The following DYM variants were observed in gnomAD, a reference collection of about 807,000 sequenced individuals.
DYM encodes dyggve-Melchior-Clausen syndrome protein.
In DYM, 78 loss-of-function variants were observed where a neutral mutation model predicts 93.1. The observed-to-expected ratio is 0.84, with a 90% CI of 0.70 to 1.01. The LOEUF (loss-of-function observed/expected upper bound fraction) is 1.01. Among genes scored for constraint, DYM ranks in the 50% least tolerant of loss-of-function variants. The probability of loss-of-function intolerance (pLI) is 0.00; values close to 1 mark genes in which losing one functional copy is unlikely to be tolerated. For missense variants in DYM, 789 were observed against 845.0 expected (o/e 0.93, Z 0.82); for synonymous variants, 321 against 319.7 (o/e 1.00, Z -0.04).
At chr18:49,060,435 G>T (rs150712674) in intron 17 of DYM, among the ~76,000 whole-genome samples, 1 of 151,884 alleles carries the variant, frequency 6.6e-6, no homozygotes, top group Non-Finnish European at 1.5e-5. Flanking sequence ...CCAGTGCCCA[G>T]TATCTGCCTG....
At chr18:49,269,096 C>A (rs942659306) in intron 11 of DYM, among the ~76,000 whole-genome samples, 1 of 152,050 alleles carries the variant, frequency 6.6e-6, no homozygotes, top group Non-Finnish European at 1.5e-5. Context: ...AGAACTCACA[C>A]AACTCAATAA....
intron 2 of DYM, among the ~76,000 whole-genome samples, chr18:49,422,377 A>T (rs2073820076): frequency 1.3e-5 from 2 of 152,102 alleles, no homozygotes; most frequent in Non-Finnish European, 2.9e-5. Flanking sequence ...AATAATTTTC[A>T]ACCCAGAATT....
chr18:49,296,978 C>T (rs1308071982), intron 8 of DYM, among the ~76,000 whole-genome samples: 1 of 152,138 alleles, frequency 6.6e-6, no homozygotes, highest in East Asian at 1.9e-4. Context: ...TCTTGGAGGG[C>T]TCCAACTTAT....
chr18:49,423,571 A>G (rs76885385), intron 2 of DYM, among the ~76,000 whole-genome samples: 13,874 of 152,278 alleles, frequency 0.091, 851 homozygotes, highest in East Asian at 0.31. Flanking sequence ...AGATAGAGAC[A>G]CAAAAAACCC....
intron 8 of DYM, among the ~76,000 whole-genome samples, chr18:49,328,740 C>G (rs572326377): frequency 8.1e-4 from 124 of 152,314 alleles, no homozygotes; most frequent in Non-Finnish European, 1.6e-3. Flanking sequence ...GAGATACCAT[C>G]TCATACCAGT....
rs982188109 is a variant in DYM, at chr18:49,261,991, T to C, written c.1252-3498A>G. ...TACACATAAATAGTACCATACATAA[T>C]GTATTAGAATGAATGGTTTCCCCCC... On this transcript the variant is annotated intron_variant, in intron 11 of 17. Coordinates refer to ENST00000675505, the MANE Select transcript of DYM (RefSeq NM_001353214.3). 4.6e-5 allele frequency among the ~76,000 whole-genome samples: 7 copies of C among 152,188 alleles called. 1 individual carries two copies. The highest frequency in any genetic ancestry group is 4.4e-5 in the Non-Finnish European group (3 of 68,038).
intron 5 of DYM, among the ~76,000 whole-genome samples, chr18:49,365,032 T>C (rs1430822387): frequency 6.6e-6 from 1 of 152,118 alleles, no homozygotes; most frequent in East Asian, 1.9e-4. Context: ...TCTATACTTC[T>C]AGAGGATGAT....
At position 49,145,131 on chromosome 18, in the gene DYM, ATAT is replaced by A. The variant is rs1568490488; in HGVS notation, c.1728+18551_1728+18553del. On this transcript the variant is annotated intron_variant, in intron 15 of 17. Coordinates refer to ENST00000675505, the MANE Select transcript of DYM (RefSeq NM_001353214.3). ...TTCATATATATATATATATATATAT[ATAT>A]AATTTATATATATAATATACAAATA... Among the ~76,000 whole-genome samples the A allele has an allele frequency of 9.8e-4, 115 of 116,902 alleles. 11 individuals are homozygous for A. Among genetic ancestry groups the A allele is most frequent in the South Asian group, 2.0e-3 (7 of 3,424 alleles). 76.7% of individuals were successfully genotyped at this position (116,902 alleles called of 152,430 possible). A position where few individuals can be genotyped will look rare whatever the true frequency, so the allele number is the denominator to read the frequency against.
chr18:49,323,147 A>T (rs2062627131), intron 8 of DYM, among the ~76,000 whole-genome samples: 1 of 152,198 alleles, frequency 6.6e-6, no homozygotes, highest in Non-Finnish European at 1.5e-5. Flanking sequence ...GGGGCTCCTT[A>T]CACATTTTGG....
At chr18:49,166,603 C>T (rs768962366) in intron 14 of DYM, among the ~76,000 whole-genome samples, 82 of 122,808 alleles carry the variant, frequency 6.7e-4, no homozygotes, top group Non-Finnish European at 1.1e-3. Context: ...GCAGGAGATG[C>T]AAAAAAAAAA....
At chr18:49,300,349 T>C (rs1477408593) in intron 8 of DYM, among the ~76,000 whole-genome samples, 2 of 151,774 alleles carry the variant, frequency 1.3e-5, no homozygotes, top group East Asian at 3.9e-4. Context: ...CCTGTAATCC[T>C]AGCACTCTGG....
intron 16 of DYM, among the ~76,000 whole-genome samples, chr18:49,108,431 A>T (rs916955510): frequency 2.0e-5 from 3 of 151,810 alleles, no homozygotes; most frequent in African/African-American, 7.3e-5. Context: ...ACTTTCCGGC[A>T]CTCCCCAATG....
At chr18:49,435,254 A>G (rs2080737179) in intron 1 of DYM, among the ~76,000 whole-genome samples, 2 of 151,232 alleles carry the variant, frequency 1.3e-5, no homozygotes, top group African/African-American at 2.4e-5. Flanking sequence ...ACAGCAATGT[A>G]TATGTGAACT....
At chr18:49,395,825 T>C (rs1381898912) in intron 2 of DYM, among the ~76,000 whole-genome samples, 1 of 152,190 alleles carries the variant, frequency 6.6e-6, no homozygotes, top group African/African-American at 2.4e-5. Flanking sequence ...ACAATGTTAG[T>C]AGGTGCTATA....
At chr18:49,241,633 G>A (rs2094012394) in intron 13 of DYM, among the ~76,000 whole-genome samples, 1 of 152,084 alleles carries the variant, frequency 6.6e-6, no homozygotes, top group Non-Finnish European at 1.5e-5. Flanking sequence ...AATAATAAAT[G>A]GATATTCATA....
chr18:49,409,050 C>T (rs767509151), intron 2 of DYM, among the ~76,000 whole-genome samples: 1 of 151,958 alleles, frequency 6.6e-6, no homozygotes, highest in Admixed American at 6.6e-5. Flanking sequence ...CCTGGGAGGC[C>T]GAGGCAGGTG....
At position 49,198,118 on chromosome 18, in the gene DYM, C is replaced by G. The variant is rs184462896; in HGVS notation, c.1625+11433G>C. 7.5e-4 allele frequency among the ~76,000 whole-genome samples: 114 copies of G among 152,202 alleles called. 4 individuals are homozygous for G. The East Asian group carries it at 0.021, about 28-fold the overall frequency. ...TGATCTTTGACAAACCTGACAAAAA[C>G]AAGAAATGGGGAAAGGATTCCCTAT... On this transcript the variant is annotated intron_variant, in intron 14 of 17. Coordinates refer to ENST00000675505, the MANE Select transcript of DYM (RefSeq NM_001353214.3).
intron 5 of DYM, among the ~76,000 whole-genome samples, chr18:49,377,602 G>A (rs2067633514): frequency 1.3e-5 from 2 of 152,042 alleles, no homozygotes; most frequent in African/African-American, 4.8e-5. Flanking sequence ...TTCTATAATA[G>A]AATTTAAGAA....
At chr18:49,294,254 C>T (rs1380399731) in intron 8 of DYM, among the ~76,000 whole-genome samples, 2 of 152,142 alleles carry the variant, frequency 1.3e-5, no homozygotes, top group African/African-American at 2.4e-5. Context: ...TAGCATGATG[C>T]CTCCAGCTTT....
Sources: gnomAD v4.1 joint callset for allele counts (sites outside exome capture counted in the v4.1 genomes callset) on GRCh38, gnomAD v4.1.1 for gene constraint, MANE v1.5 for transcripts, NCBI Gene and HGNC (gene_info 2026-07-23, HGNC 2026-07-21) for gene names.